The following FRYL variants were observed in gnomAD, a reference collection of about 807,000 sequenced individuals.
FRYL encodes the protein FRY like transcription coactivator.
FRYL carries 150 observed loss-of-function variants against 351.2 expected under a neutral mutation model. The observed-to-expected ratio is 0.43, with a 90% confidence interval of 0.37 to 0.49. FRYL has a LOEUF of 0.49. Ranked by LOEUF, FRYL falls within the 20% of genes least tolerant of loss-of-function variation. FRYL has a pLI of 0.00. For synonymous variants in FRYL, 1,153 were observed against 1,257.1 expected, an observed-to-expected ratio of 0.92 and a Z score of 1.75; for missense variants, 3,036 against 3,619.3, an observed-to-expected ratio of 0.84 and a Z score of 4.13.
At chr4:48,522,619 A>G (rs183610959) in intron 54 of FRYL, among the ~76,000 whole-genome samples, 1 of 152,340 alleles carries the variant, frequency 6.6e-6, no homozygotes, top group East Asian at 1.9e-4. Context: ...TGATACCAAA[A>G]ATATGTTATC....
At chr4:48,590,208 C>T (rs975469612) in intron 17 of FRYL, among the ~76,000 whole-genome samples, 1 of 152,158 alleles carries the variant, frequency 6.6e-6, no homozygotes, top group Non-Finnish European at 1.5e-5. Context: ...GTGGGCTGAG[C>T]ATGGTGGCTC....
At chr4:48,714,106 G>A (rs982167001) in intron 1 of FRYL, among the ~76,000 whole-genome samples, 1 of 151,994 alleles carries the variant, frequency 6.6e-6, no homozygotes, top group African/African-American at 2.4e-5. Flanking sequence ...AGAATCTCTG[G>A]GACACATTTA....
At position 48,501,718 on chromosome 4, in the gene FRYL, G is replaced by A. The variant is rs1719702632; in HGVS notation, c.8497C>T (p.Arg2833Ter). The A allele has an allele frequency of 6.3e-7, 1 of 1,595,030 alleles. No individual in the cohort carries two copies. The highest frequency in any genetic ancestry group is 8.6e-7 in the Non-Finnish European group (1 of 1,163,538). Reference sequence around the variant, plus strand: ...TGAAAATGCAATTTGTATAATCTTCGGCAGAGCTCCAATTCCTAGAAATAA... The same window carrying A: ...TGAAAATGCAATTTGTATAATCTTCAGCAGAGCTCCAATTCCTAGAAATAA... ...MEILAELELC[R>*]RLYKLHFQLL... is the part of the protein sequence containing the mutation. The change falls in exon 62 of 64, where the codon CGA (arginine) becomes TGA (stop). Residue 2833 changes from arginine (R) to a stop codon, truncating the protein, a stop_gained. Transcript: ENST00000358350. LOFTEE classifies it high-confidence loss of function.
chr4:48,545,960 C>T (rs1437068088), intron 42 of FRYL, 107 bp downstream of exon 42: 8 of 991,164 alleles, frequency 8.1e-6, no homozygotes, highest in East Asian at 2.6e-5. Flanking sequence ...CTGTGTATTT[C>T]ACATCAATGG....
intron 16 of FRYL, among the ~76,000 whole-genome samples, chr4:48,593,162 A>C (rs1338446614): frequency 6.6e-6 from 1 of 151,614 alleles, no homozygotes; most frequent in Non-Finnish European, 1.5e-5. Flanking sequence ...TTTCTATAAC[A>C]CCTAGAACAG....
chr4:48,653,619 ATCT>A, intron 3 of FRYL: 2 of 775,872 alleles, frequency 2.6e-6, no homozygotes, highest in Non-Finnish European at 1.8e-6. Context: ...ACAGCTTTTT[ATCT>A]ATTTGGATTG....
chr4:48,505,542 CT>C lies in FRYL; in HGVS notation c.8463+4del. 6.3e-7 allele frequency: 1 copy of C among 1,584,528 alleles called. No homozygotes were observed. Among genetic ancestry groups the C allele is most frequent in the Non-Finnish European group, 8.7e-7 (1 of 1,155,918 alleles). Reference sequence around the variant, plus strand: ...ATGTTGCAAAAACAGGAACAAGAAACTTACTTGTGCATCTGTGTTTATCCTA... The same window carrying C: ...ATGTTGCAAAAACAGGAACAAGAAACTACTTGTGCATCTGTGTTTATCCTA... On this transcript the variant is annotated splice_donor_region_variant and intron_variant, in intron 60 of 63. Transcript: ENST00000358350.
At chr4:48,582,793 T>G in intron 19 of FRYL, 59 bp from the exon 20 acceptor site, 2 of 1,135,152 alleles carry the variant, frequency 1.8e-6, no homozygotes, top group Non-Finnish European at 2.6e-6. Flanking sequence ...TTTTATCATC[T>G]GAAACTTAAA....
chr4:48,689,677 T>C (rs1424798821), intron 2 of FRYL, among the ~76,000 whole-genome samples: 1 of 152,230 alleles, frequency 6.6e-6, no homozygotes, highest in East Asian at 1.9e-4. Context: ...TTGCGGAGTT[T>C]ACATTCCAGT....
chr4:48,734,678 A>C (rs1771104614), intron 1 of FRYL, among the ~76,000 whole-genome samples: 1 of 152,234 alleles, frequency 6.6e-6, no homozygotes, highest in Admixed American at 6.5e-5. Context: ...AAGAATAAAA[A>C]TACGTTTAAA....
intron 42 of FRYL, among the ~76,000 whole-genome samples, chr4:48,545,863 T>G (rs1731217258): frequency 6.6e-6 from 1 of 152,234 alleles, no homozygotes; most frequent in African/African-American, 2.4e-5. Context: ...AATAGCCAGA[T>G]ATGATTAAAG....
chr4:48,499,725 G>T, intron 63 of FRYL, 45 bp from the exon 64 acceptor site: 1 of 1,567,550 alleles, frequency 6.4e-7, no homozygotes, highest in Non-Finnish European at 8.7e-7. Context: ...TTAGGCAATA[G>T]TTAAGACTAA....
At chr4:48,536,493 T>A (rs1728919350) in intron 47 of FRYL, among the ~76,000 whole-genome samples, 1 of 152,200 alleles carries the variant, frequency 6.6e-6, no homozygotes, top group African/African-American at 2.4e-5. Context: ...GTTTGTTTGA[T>A]ACAATATTAA....
At chr4:48,620,811 T>A (rs1447157984) in intron 5 of FRYL, 33 bp from the exon 6 acceptor site, 1 of 1,587,136 alleles carries the variant, frequency 6.3e-7, no homozygotes, top group Non-Finnish European at 8.6e-7. Context: ...GAAAATAAAT[T>A]GTAACACTGA....
At chr4:48,554,327 T>C (rs1733589847) in intron 35 of FRYL, among the ~76,000 whole-genome samples, 2 of 152,228 alleles carry the variant, frequency 1.3e-5, no homozygotes, top group African/African-American at 4.8e-5. Flanking sequence ...TGATTTATTA[T>C]ATCCCAACCA....
At chr4:48,727,512 G>A (rs1770212695) in intron 1 of FRYL, 1 of 152,168 alleles carries the variant, frequency 6.6e-6, no homozygotes, top group African/African-American at 2.4e-5. Context: ...CAAATTGTTG[G>A]AGGATCAGTG....
chr4:48,563,542 G>A (rs145357257), intron 31 of FRYL, among the ~76,000 whole-genome samples: 2 of 151,952 alleles, frequency 1.3e-5, no homozygotes, highest in South Asian at 2.1e-4. Context: ...AGACCTCGTC[G>A]CTACAAAGAA....
At chr4:48,639,659 G>A (rs776596) in intron 3 of FRYL, among the ~76,000 whole-genome samples, 3 of 151,970 alleles carry the variant, frequency 2.0e-5, no homozygotes, top group Non-Finnish European at 4.4e-5. Context: ...CCATGATCCA[G>A]GGAAAAAAAT....
intron 3 of FRYL, among the ~76,000 whole-genome samples, chr4:48,650,441 T>G (rs1264895443): frequency 6.6e-6 from 1 of 151,990 alleles, no homozygotes; most frequent in African/African-American, 2.4e-5. Flanking sequence ...AGATGATGAG[T>G]ATAATGATGC....
Sources: allele counts gnomAD v4.1 joint callset (sites outside exome capture counted in the v4.1 genomes callset), GRCh38; gene constraint gnomAD v4.1.1; transcripts MANE v1.5; gene names NCBI Gene and HGNC (gene_info 2026-07-23, HGNC 2026-07-21).